DSG3: variants seen among roughly 807,000 people sequenced by gnomAD.
DSG3 encodes the protein desmoglein-3.
Under a neutral mutation model 85.9 loss-of-function variants are expected in DSG3, and 63 were observed. The observed-to-expected ratio is 0.73, with a 90% CI of 0.60 to 0.90. The LOEUF is 0.90. DSG3 is among the 40% of genes least tolerant of loss of function. The probability of loss-of-function intolerance (pLI) is 0.00; values close to 1 mark genes in which losing one functional copy is unlikely to be tolerated. For missense variants in DSG3, 1,220 were observed against 1,219.9 expected (o/e 1.00, Z 0.00); for synonymous variants, 447 against 441.9 (o/e 1.01, Z -0.14).
Position 31,474,137 on chromosome 18 carries a change from G to T in DSG3, c.2118G>T (p.Thr706=), listed in dbSNP as rs72925163. The part of the protein sequence containing the change: ...FMESSEVCTN[T]YARGTAVEGT... ...TGTTTTTAGAAGTTTGTACAAATAC[G>T]TATGCCAGAGGCACAGCGGTGGAAG... Residue 706 remains threonine (T), a synonymous_variant, in exon 15 of 16, where the codon ACG becomes ACT. Coordinates refer to ENST00000257189, the MANE Select transcript of DSG3 (RefSeq NM_001944.3). The T allele has an allele frequency of 6.2e-7, 1 of 1,612,858 alleles. No individual in the cohort carries two copies.
chr18:31,451,419 AAG>A (rs891244003), intron 1 of DSG3, among the ~76,000 whole-genome samples: 10 of 152,210 alleles, frequency 6.6e-5, no homozygotes, highest in Non-Finnish European at 1.2e-4. Context: ...TAGGAAAAAA[AAG>A]AGAGAAGCAG....
At chr18:31,475,609 T>G (rs774744173) in intron 15 of DSG3, 37 bp from the exon 16 acceptor site, 1 of 1,593,406 alleles carries the variant, frequency 6.3e-7, no homozygotes, top group South Asian at 1.1e-5. Context: ...TGACTCTTTC[T>G]TAAAATTCAT....
chr18:31,460,911 A>C lies in DSG3; in HGVS notation c.763A>C (p.Ile255Leu). The C allele has an allele frequency of 6.2e-7, 1 of 1,605,168 alleles. No individual in the cohort carries two copies. Among genetic ancestry groups the C allele is most frequent in the Non-Finnish European group, 8.5e-7 (1 of 1,177,374 alleles). The change falls in exon 7 of 16, where the codon ATT becomes CTT. Residue 255 changes from isoleucine (I) to leucine (L), a missense_variant. Transcript: ENST00000257189. ...ACTATCAACTCAATGTGAATGTAAT[A>C]TTAAAGTGAAAGATGTCAACGATAA... ...EGLSTQCECN[I>L]KVKDVNDNFP...
intron 10 of DSG3, 62 bp downstream of exon 10, chr18:31,465,519 T>A: frequency 7.8e-7 from 1 of 1,281,420 alleles, no homozygotes; most frequent in African/African-American, 1.5e-5. Context: ...TCTTTATGCA[T>A]AGATGATTAT....
At chr18:31,470,310 C>T (rs1311764830) in intron 12 of DSG3, among the ~76,000 whole-genome samples, 2 of 152,042 alleles carry the variant, frequency 1.3e-5, no homozygotes, top group Admixed American at 6.5e-5. Flanking sequence ...CACATACAAC[C>T]ATCACTTCAA....
At position 31,456,442 on chromosome 18, in the gene DSG3, G is replaced by C. The variant is rs765748976; in HGVS notation, c.51G>C (p.Val17=). 1.5e-6 allele frequency: 2 copies of C among 1,351,190 alleles called. No homozygotes were observed. Among genetic ancestry groups the C allele is most frequent in the Non-Finnish European group, 1.9e-6 (2 of 1,044,066 alleles). 83.7% of individuals were successfully genotyped at this position (1,351,190 alleles called of 1,614,324 possible). Reference sequence around the variant, plus strand: ...CGACTTTATTTAAATGTCTGCAGGTGGTCATATTGGTTCATGGAGAATTGC... The same window carrying C: ...CGACTTTATTTAAATGTCTGCAGGTCGTCATATTGGTTCATGGAGAATTGC... The part of the protein sequence containing the change: ...RTTGALAIFV[V]VILVHGELRI... The change falls in exon 2 of 16, where the codon GTG becomes GTC. Residue 17 remains valine (V), a splice_region_variant and synonymous_variant. Transcript: ENST00000257189.
At chr18:31,465,602 G>GCC in intron 10 of DSG3, 145 bp downstream of exon 10, 2 of 757,410 alleles carry the variant, frequency 2.6e-6, no homozygotes, top group Non-Finnish European at 3.6e-6. Flanking sequence ...CAAGTTTGAG[G>GCC]CAGCTGAATC....
rs764211310 is a variant in DSG3 at position 31,459,080 on chromosome 18, A to G, written c.420A>G (p.Pro140=). 4 of 1,613,732 alleles carry G rather than the reference A, an allele frequency of 2.5e-6. No individual in the cohort carries two copies. In the South Asian group the frequency reaches 3.3e-5, roughly 13 times the overall value. The change falls in exon 5 of 16, where the codon CCA becomes CCG. Residue 140 remains proline, a synonymous_variant. Coordinates refer to ENST00000257189, the MANE Select transcript of DSG3 (RefSeq NM_001944.3). The part of the protein sequence containing the change: ...LNAQGLDVEK[P]LILTVKILDI... ...CCCAAGGACTAGATGTAGAGAAACC[A>G]CTTATACTAACGGTTAAAATTTTGG...
intron 13 of DSG3, 109 bp from the exon 14 acceptor site, chr18:31,472,616 C>T: frequency 7.6e-7 from 1 of 1,307,596 alleles, no homozygotes; most frequent in Non-Finnish European, 1.1e-6. Flanking sequence ...AAAGAATTTG[C>T]ACTTCTTGTA....
chr18:31,451,770 C>T (rs2072712984), intron 1 of DSG3, among the ~76,000 whole-genome samples: 1 of 152,236 alleles, frequency 6.6e-6, no homozygotes, highest in African/African-American at 2.4e-5. Context: ...CCAATTAGCA[C>T]TCCCTCTTGC....
At chr18:31,473,570 T>A (rs140262795) in intron 14 of DSG3, among the ~76,000 whole-genome samples, 127 of 152,354 alleles carry the variant, frequency 8.3e-4, no homozygotes, top group African/African-American at 3.0e-3. Context: ...CACCTGCTTT[T>A]CCCATTAGAA....
Position 31,476,394 on chromosome 18 carries a change from T to G in DSG3, c.*134T>G. On this transcript the variant is annotated 3_prime_UTR_variant, in exon 16 of 16. Coordinates refer to ENST00000257189, the MANE Select transcript of DSG3 (RefSeq NM_001944.3). ...AGCTTCTCTCATAAACTGATCACGA[T>G]TATAAATTAAATGTTTGGGTTCATA... 9.5e-7 allele frequency: 1 copy of G among 1,055,958 alleles called. No homozygotes were observed. The highest frequency in any genetic ancestry group is 2.0e-5 in the South Asian group (1 of 49,872). 65.4% of individuals were successfully genotyped at this position (1,055,958 alleles called of 1,614,324 possible).
intron 12 of DSG3, among the ~76,000 whole-genome samples, chr18:31,470,724 T>C (rs1454650966): frequency 1.3e-5 from 2 of 152,218 alleles, no homozygotes; most frequent in Non-Finnish European, 2.9e-5. Context: ...AATCATTCAA[T>C]TGAGCCTTGA....
chr18:31,455,774 G>A (rs1042987838), intron 1 of DSG3, among the ~76,000 whole-genome samples: 4 of 152,044 alleles, frequency 2.6e-5, no homozygotes, highest in African/African-American at 9.7e-5. Context: ...TAATTTTTTG[G>A]GGCCACTCTG....
chr18:31,452,486 T>A (rs1598773924), intron 1 of DSG3, among the ~76,000 whole-genome samples: 1 of 134,506 alleles, frequency 7.4e-6, no homozygotes, highest in Non-Finnish European at 1.5e-5. Context: ...GCTACTGCAC[T>A]TCAGCCTTGT....
chr18:31,457,176 G>A (rs762501666), intron 3 of DSG3, 52 bp downstream of exon 3: 1 of 1,538,666 alleles, frequency 6.5e-7, no homozygotes, highest in East Asian at 2.3e-5. Context: ...TGTATAAGGT[G>A]TAAATTAAAA....
chr18:31,469,749 A>G (rs2072844381), intron 12 of DSG3, among the ~76,000 whole-genome samples: 1 of 152,178 alleles, frequency 6.6e-6, no homozygotes, highest in Admixed American at 6.5e-5. Flanking sequence ...AACACTAGTC[A>G]AACAAAGTTA....
intron 1 of DSG3, among the ~76,000 whole-genome samples, chr18:31,449,238 A>C (rs1413746820): frequency 2.6e-5 from 4 of 152,174 alleles, no homozygotes; most frequent in African/African-American, 9.6e-5. Flanking sequence ...AACTGTGTTC[A>C]GTACCTGATT....
intron 2 of DSG3, 127 bp downstream of exon 2, chr18:31,456,602 A>G: frequency 4.2e-6 from 2 of 470,932 alleles, no homozygotes; most frequent in Non-Finnish European, 6.9e-6. Context: ...GAAAATATAT[A>G]AAATTAAAAT....
Sources: allele counts gnomAD v4.1 joint callset (sites outside exome capture counted in the v4.1 genomes callset), GRCh38; gene constraint gnomAD v4.1.1; transcripts MANE v1.5; gene names NCBI Gene and HGNC (gene_info 2026-07-23, HGNC 2026-07-21).